Variants in DOT1L observed in about 807,000 individuals in gnomAD.
The protein encoded by DOT1L is histone-lysine N-methyltransferase, H3 lysine-79 specific.
A neutral mutation model predicts 153.3 loss-of-function variants in DOT1L; 33 were observed. The observed-to-expected ratio is 0.22, with a 90% CI of 0.16 to 0.29. The LOEUF (loss-of-function observed/expected upper bound fraction) is 0.29, where lower values mean the gene tolerates loss of function less well. DOT1L is among the 10% of genes least tolerant of loss of function. The pLI is 1.00. For synonymous variants in DOT1L, 1,135 were observed against 965.1 expected, an observed-to-expected ratio of 1.18 and a Z score of -3.26; for missense variants, 1,847 against 2,119.9, an observed-to-expected ratio of 0.87 and a Z score of 2.53.
chr19:2,230,182 G>A lies in DOT1L; in HGVS notation c.*390G>A, dbSNP rs1037600850. 5.5e-5 allele frequency: 26 copies of A among 470,040 alleles called. No homozygotes were observed. Among genetic ancestry groups the A allele is most frequent in the African/African-American group, 4.3e-4 (21 of 49,396 alleles). The allele number at this position is 470,040 out of a possible 1,614,324, so 29.1% of individuals were successfully genotyped here. On this transcript the variant is annotated 3_prime_UTR_variant, in exon 28 of 28. Transcript: ENST00000398665. ...CCGGTGCTATCTCGTCCCCAGGCCC[G>A]CGCCTGCCTCCACCCGCTTGGTGCT...
At position 2,210,485 on chromosome 19, in the gene DOT1L, T is replaced by A. The variant is rs1599593042; in HGVS notation, c.1091T>A (p.Val364Glu). ...CCCACTAAGGGCCCAGAGGGCAAGG[T>A]GGCCGGCCCCGCCGACGCCCCCATG... ...ATPTKGPEGK[V>E]AGPADAPMDS... The change falls in exon 13 of 28, where the codon GTG becomes GAG. Residue 364 changes from valine (V) to glutamate (E), a missense_variant. By Grantham distance (121) the Val-to-Glu change is moderately radical. This residue lies in a region of DOT1L where 205 missense variants were observed against 203.1 expected (regional missense o/e 1.01). Transcript: ENST00000398665. The A allele has an allele frequency of 1.3e-6, 2 of 1,592,542 alleles. No homozygotes were observed. Among genetic ancestry groups the A allele is most frequent in the Non-Finnish European group, 1.7e-6 (2 of 1,171,334 alleles).
At chr19:2,167,924 AG>A (rs1475290874) in intron 1 of DOT1L, among the ~76,000 whole-genome samples, 1 of 151,898 alleles carries the variant, frequency 6.6e-6, no homozygotes, top group Non-Finnish European at 1.5e-5. Flanking sequence ...TAGTAGAGAC[AG>A]GGTTTCACCA....
rs1230499382 is a variant in DOT1L, at chr19:2,193,439, T to TC, written c.494-249dup. Reference sequence around the variant, plus strand: ...CTGAGACTCAAAATGGATTCTGGTTTCGGGGGCCACCAAGTGATGTCCATG... The same window carrying TC: ...CTGAGACTCAAAATGGATTCTGGTTTCCGGGGGCCACCAAGTGATGTCCATG... On this transcript the variant is annotated intron_variant, in intron 5 of 27. Coordinates refer to ENST00000398665, the MANE Select transcript of DOT1L (RefSeq NM_032482.3). The surrounding 1 kb of genome is among the most constrained non-coding windows in gnomAD (Gnocchi z 5.9). Among the ~76,000 whole-genome samples, 1 of 152,188 alleles carries TC rather than the reference T, an allele frequency of 6.6e-6. No homozygotes were observed. Among genetic ancestry groups the TC allele is most frequent in the East Asian group, 1.9e-4 (1 of 5,188 alleles).
At position 2,169,199 on chromosome 19, in the gene DOT1L, G is replaced by C. The variant is rs145107241; in HGVS notation, c.81+4934G>C. On this transcript the variant is annotated intron_variant, in intron 1 of 27. Coordinates refer to ENST00000398665, the MANE Select transcript of DOT1L (RefSeq NM_032482.3). Reference sequence around the variant, plus strand: ...GCAGCCAGCAGTGAGTAGCAGCCGGGGCGGGGTGAGCTGTCCCCACCGTGA... The same window carrying C: ...GCAGCCAGCAGTGAGTAGCAGCCGGCGCGGGGTGAGCTGTCCCCACCGTGA... Among the ~76,000 whole-genome samples the C allele has an allele frequency of 3.9e-5, 6 of 152,140 alleles. No homozygotes were observed. In the East Asian group the frequency reaches 1.2e-3, roughly 29 times the overall value.
At position 2,207,347 on chromosome 19, in the gene DOT1L, G is replaced by A. The variant is rs1271311550; in HGVS notation, c.857-227G>A. 3.3e-5 allele frequency among the ~76,000 whole-genome samples: 5 copies of A among 152,198 alleles called. No homozygotes were observed. Among genetic ancestry groups the A allele is most frequent in the African/African-American group, 1.2e-4 (5 of 41,438 alleles). On this transcript the variant is annotated intron_variant, in intron 10 of 27. Coordinates refer to ENST00000398665, the MANE Select transcript of DOT1L (RefSeq NM_032482.3). This position sits in a 1 kb window ranked among gnomAD's most constrained non-coding sequence, Gnocchi z 4.5. ...CTCCTTTTCCATTCCACTCAGCTGGGTTTGTGGCTGTTTTTCTGAGGTTGG... is the reference window on the plus strand; with the variant it reads ...CTCCTTTTCCATTCCACTCAGCTGGATTTGTGGCTGTTTTTCTGAGGTTGG...
At chr19:2,169,366 C>T (rs2020042942) in intron 1 of DOT1L, among the ~76,000 whole-genome samples, 1 of 152,164 alleles carries the variant, frequency 6.6e-6, no homozygotes, top group Non-Finnish European at 1.5e-5. Context: ...AGAAAAAACC[C>T]AAGTGTTCCG....
At chr19:2,165,749 G>A (rs1469094314) in intron 1 of DOT1L, among the ~76,000 whole-genome samples, 6 of 151,690 alleles carry the variant, frequency 4.0e-5, no homozygotes, top group Non-Finnish European at 7.4e-5. Context: ...CGTCCGACCA[G>A]CCCCAGTACA....
intron 2 of DOT1L, 29 bp from the exon 3 acceptor site, chr19:2,185,826 T>A: frequency 1.2e-6 from 2 of 1,611,902 alleles, no homozygotes; most frequent in South Asian, 2.2e-5. Flanking sequence ...ACCAAACCCT[T>A]CCTGATCGTT....
rs554055881 is a variant in DOT1L, at chr19:2,204,189, G to A, written c.787+1410G>A. ...TGTCTGTTAGCGTGTCTCTGTGTGC[G>A]TGCCTGTGCGTGCCTGTGTCTGCAT... On this transcript the variant is annotated intron_variant, in intron 9 of 27. Coordinates refer to ENST00000398665, the MANE Select transcript of DOT1L (RefSeq NM_032482.3). The surrounding 1 kb of genome is among the most constrained non-coding windows in gnomAD (Gnocchi z 5.7). Among the ~76,000 whole-genome samples, 2 of 151,554 alleles carry A rather than the reference G, an allele frequency of 1.3e-5. No individual in the cohort carries two copies. The highest frequency in any genetic ancestry group is 6.6e-5 in the Admixed American group (1 of 15,234).
chr19:2,169,110 T>A (rs2020033310), intron 1 of DOT1L, among the ~76,000 whole-genome samples: 1 of 152,136 alleles, frequency 6.6e-6, no homozygotes, highest in Non-Finnish European at 1.5e-5. Context: ...CTCTCATTAA[T>A]GAGTGAGTAC....
At chr19:2,205,080 C>T (rs1242036131) in intron 9 of DOT1L, among the ~76,000 whole-genome samples, 1 of 152,060 alleles carries the variant, frequency 6.6e-6, no homozygotes. Flanking sequence ...ACGCCATTCT[C>T]CCGCCTCAGC....
intron 1 of DOT1L, among the ~76,000 whole-genome samples, chr19:2,170,319 C>T (rs2020076981): frequency 6.6e-6 from 1 of 152,136 alleles, no homozygotes; most frequent in African/African-American, 2.4e-5. Flanking sequence ...GGAGGCGTGA[C>T]TGAAATCCTT....
chr19:2,182,852 G>A (rs2022306644), intron 2 of DOT1L, among the ~76,000 whole-genome samples: 1 of 152,202 alleles, frequency 6.6e-6, no homozygotes, highest in Non-Finnish European at 1.5e-5. Context: ...GGAGCTGACT[G>A]TCTTGTTTGA....
rs755549634 is a variant in DOT1L, at chr19:2,213,831, C to T, written c.1660-18C>T. ...TGGAGGCCACCAGCATGACCTCTCCCCCGCCCCATGTCCCCAGCTGGGTGT... is the reference window on the plus strand; with the variant it reads ...TGGAGGCCACCAGCATGACCTCTCCTCCGCCCCATGTCCCCAGCTGGGTGT... On this transcript the variant is annotated intron_variant, in intron 17 of 27. Coordinates refer to ENST00000398665, the MANE Select transcript of DOT1L (RefSeq NM_032482.3). 16 of 1,612,840 alleles carry T rather than the reference C, an allele frequency of 9.9e-6. No homozygotes were observed. In the Admixed American group the frequency reaches 2.3e-4, roughly 24 times the overall value.
chr19:2,194,460 C>G (rs890264527), intron 6 of DOT1L, 55 bp from the exon 7 acceptor site: 1 of 1,607,562 alleles, frequency 6.2e-7, no homozygotes, highest in Non-Finnish European at 8.5e-7. Flanking sequence ...CGTGAGCCAC[C>G]GCGCCTGGCT....
intron 9 of DOT1L, 92 bp from the exon 10 acceptor site, chr19:2,206,636 TC>T (rs2023506952): frequency 7.9e-7 from 1 of 1,267,954 alleles, no homozygotes; most frequent in Non-Finnish European, 1.2e-6. Flanking sequence ...GTGTGTGTGT[TC>T]CGTGTCATTG....
Position 2,213,771 on chromosome 19 carries a change from G to T in DOT1L, c.1660-78G>T, listed in dbSNP as rs1161138572. On this transcript the variant is annotated intron_variant, in intron 17 of 27. Transcript: ENST00000398665. The stretch of plus-strand genomic sequence containing the variant: ...CCAGCTGTGTCCCAGGGGCTGGGCT[G>T]CAGGGGTGGTCATGCCTGGGGGCTT... 3 of 1,605,212 alleles carry T rather than the reference G, an allele frequency of 1.9e-6. No individual in the cohort carries two copies. In the Admixed American group the frequency reaches 5.0e-5, roughly 27 times the overall value.
rs73919904 is a variant in DOT1L, at chr19:2,216,920, C to T, written c.2409-35C>T. 2.1e-3 allele frequency: 3,295 copies of T among 1,587,632 alleles called. 59 individuals are homozygous for T. In the African/African-American group the frequency reaches 0.035, roughly 17 times the overall value. On this transcript the variant is annotated intron_variant, in intron 20 of 27. Coordinates refer to ENST00000398665, the MANE Select transcript of DOT1L (RefSeq NM_032482.3). Reference sequence around the variant, plus strand: ...GCCGCTGCCTCTGAGTGCCAGCCCACGGCCCTCGAGAGTGACTGCAGCTTC... The same window carrying T: ...GCCGCTGCCTCTGAGTGCCAGCCCATGGCCCTCGAGAGTGACTGCAGCTTC...
intron 1 of DOT1L, among the ~76,000 whole-genome samples, chr19:2,178,072 A>C (rs143275131): frequency 1.5e-3 from 220 of 149,046 alleles, no homozygotes; most frequent in African/African-American, 5.2e-3. Context: ...ACAGGCACGC[A>C]CCACCATGCC....
Sources: allele counts gnomAD v4.1 joint callset (sites outside exome capture counted in the v4.1 genomes callset), GRCh38; gene constraint gnomAD v4.1.1; regional missense constraint gnomAD v4.1.1; non-coding constraint Gnocchi (gnomAD v3.1); transcripts MANE v1.5; gene names NCBI Gene and HGNC (gene_info 2026-07-23, HGNC 2026-07-21).